The following FHIP1A variants were observed in gnomAD, a reference collection of about 807,000 sequenced individuals.
FHIP1A encodes FHF complex subunit HOOK-interacting protein 1A.
Under a neutral mutation model 88.6 loss-of-function variants are expected in FHIP1A, and 61 were observed. The ratio of observed to expected loss-of-function variants is 0.69; its 90% CI spans 0.56 to 0.85. The LOEUF (loss-of-function observed/expected upper bound fraction) is 0.85, where lower values mean the gene tolerates loss of function less well. Among genes scored for constraint, FHIP1A ranks in the 40% least tolerant of loss-of-function variants. The pLI is 0.00. For synonymous variants in FHIP1A, 478 were observed against 496.0 expected, an observed-to-expected ratio of 0.96 and a Z score of 0.48; for missense variants, 1,154 against 1,273.5, an observed-to-expected ratio of 0.91 and a Z score of 1.43.
At chr4:151,544,800 C>T (rs953610021) in intron 3 of FHIP1A, among the ~76,000 whole-genome samples, 1 of 152,160 alleles carries the variant, frequency 6.6e-6, no homozygotes, top group East Asian at 1.9e-4. Context: ...CATCTTAATA[C>T]AGCCTTGCTC....
chr4:151,593,476 C>A (rs1429702961), intron 7 of FHIP1A, among the ~76,000 whole-genome samples: 8 of 152,164 alleles, frequency 5.3e-5, no homozygotes, highest in Non-Finnish European at 1.2e-4. Context: ...AGAGGTCCTT[C>A]ACATCCCTTG....
chr4:151,635,641 A>G (rs1186097790), intron 8 of FHIP1A, among the ~76,000 whole-genome samples: 3 of 151,940 alleles, frequency 2.0e-5, no homozygotes, highest in Middle Eastern at 3.2e-3. Flanking sequence ...CAAAAAGACA[A>G]ACTGTAGGAT....
chr4:151,625,837 G>A (rs999992386), intron 7 of FHIP1A, among the ~76,000 whole-genome samples: 11 of 152,182 alleles, frequency 7.2e-5, no homozygotes, highest in African/African-American at 2.7e-4. Flanking sequence ...TAGATTGACT[G>A]TAAATTCAGT....
chr4:151,609,550 A>G (rs1197733527), intron 7 of FHIP1A, among the ~76,000 whole-genome samples: 1 of 151,576 alleles, frequency 6.6e-6, no homozygotes, highest in Non-Finnish European at 1.5e-5. Flanking sequence ...TGGAAATATA[A>G]TAGAAGCAAT....
intron 9 of FHIP1A, among the ~76,000 whole-genome samples, chr4:151,640,912 C>G (rs989141718): frequency 6.6e-6 from 1 of 152,068 alleles, no homozygotes; most frequent in Non-Finnish European, 1.5e-5. Context: ...CAGACTTGCC[C>G]CTTATAAAGA....
chr4:151,630,480 G>C lies in FHIP1A; in HGVS notation c.1146+611G>C, dbSNP rs568644148. Among the ~76,000 whole-genome samples the C allele has an allele frequency of 3.3e-5, 5 of 152,176 alleles. No individual in the cohort carries two copies. The East Asian group carries it at 5.8e-4, about 18-fold the overall frequency. ...AATATATAACAATAATTGCACAAAG[G>C]GGGGAAGAGGGAATAGACTTATATA... On this transcript the variant is annotated intron_variant, in intron 8 of 13. Coordinates refer to ENST00000435205, the MANE Select transcript of FHIP1A (RefSeq NM_001109977.3).
At chr4:151,505,271 T>C (rs1730792219) in intron 3 of FHIP1A, among the ~76,000 whole-genome samples, 2 of 152,202 alleles carry the variant, frequency 1.3e-5, no homozygotes, top group Admixed American at 1.3e-4. Context: ...CTGGGTCACA[T>C]TGCCTACTTT....
At chr4:151,601,081 CAT>C (rs1734849452) in intron 7 of FHIP1A, among the ~76,000 whole-genome samples, 1 of 152,160 alleles carries the variant, frequency 6.6e-6, no homozygotes, top group Non-Finnish European at 1.5e-5. Context: ...GTCAAAGAGA[CAT>C]ATGTGGAGAG....
chr4:151,454,166 G>GTGC (rs1728891265), intron 1 of FHIP1A, among the ~76,000 whole-genome samples: 1 of 35,462 alleles, frequency 2.8e-5, no homozygotes, highest in Admixed American at 2.2e-4. Context: ...TTATGGAAAA[G>GTGC]TGTTAAAATA....
chr4:151,638,260 TAACTA>T, intron 8 of FHIP1A, among the ~76,000 whole-genome samples: 1 of 151,790 alleles, frequency 6.6e-6, no homozygotes, highest in Non-Finnish European at 1.5e-5. Flanking sequence ...GTCTTGTAAA[TAACTA>T]ATGGCATATT....
chr4:151,527,351 G>A (rs1052331666), intron 3 of FHIP1A, among the ~76,000 whole-genome samples: 2 of 152,204 alleles, frequency 1.3e-5, no homozygotes, highest in Non-Finnish European at 2.9e-5. Context: ...GCGAAACCCC[G>A]TCTCCACCAA....
chr4:151,542,378 C>T (rs528509529), intron 3 of FHIP1A, among the ~76,000 whole-genome samples: 2 of 152,006 alleles, frequency 1.3e-5, no homozygotes, highest in South Asian at 2.1e-4. Flanking sequence ...TTTTTTATTC[C>T]CAGTATTAAG....
intron 3 of FHIP1A, among the ~76,000 whole-genome samples, chr4:151,538,418 A>G (rs1163162736): frequency 6.6e-6 from 1 of 152,154 alleles, no homozygotes; most frequent in East Asian, 1.9e-4. Flanking sequence ...CTGTCACCTG[A>G]AGTACTTTTT....
In FHIP1A at chr4:151,421,883, T is replaced by G. The variant is rs1580545040; in HGVS notation, c.-356+12418T>G. On this transcript the variant is annotated intron_variant, in intron 1 of 13. Transcript: ENST00000435205. ...TCATGGTTTGCAAAGCACTTTCACA[T>G]ATATGATCTAATTTGAGGTATTCTT... Among the ~76,000 whole-genome samples the G allele has an allele frequency of 2.0e-5, 3 of 152,196 alleles. No homozygotes were observed. The East Asian group carries it at 5.8e-4, about 29-fold the overall frequency.
intron 3 of FHIP1A, among the ~76,000 whole-genome samples, chr4:151,483,285 C>T (rs1729964099): frequency 6.6e-6 from 1 of 151,682 alleles, no homozygotes; most frequent in Non-Finnish European, 1.5e-5. Flanking sequence ...TTATAATTTG[C>T]CTCTATAAAT....
chr4:151,474,418 AT>A (rs1329417303), intron 2 of FHIP1A, among the ~76,000 whole-genome samples: 1 of 152,350 alleles, frequency 6.6e-6, no homozygotes, highest in African/African-American at 2.4e-5. Flanking sequence ...TATAAAAAAA[AT>A]AAAGATACTG....
intron 1 of FHIP1A, among the ~76,000 whole-genome samples, chr4:151,433,535 C>T (rs1039078013): frequency 6.6e-5 from 10 of 151,754 alleles, no homozygotes; most frequent in East Asian, 1.9e-4. Flanking sequence ...GAGTTAATGG[C>T]GCTGGTGAGA....
chr4:151,473,474 T>C (rs566235809), intron 2 of FHIP1A, among the ~76,000 whole-genome samples: 1 of 152,232 alleles, frequency 6.6e-6, no homozygotes, highest in East Asian at 1.9e-4. Flanking sequence ...TTCTTTGATG[T>C]CTCTCCTTGG....
At chr4:151,573,271 AACACACAC>A (rs140733704) in intron 4 of FHIP1A, among the ~76,000 whole-genome samples, 1 of 147,208 alleles carries the variant, frequency 6.8e-6, no homozygotes, top group African/African-American at 2.5e-5. Context: ...GATGCATCCA[AACACACAC>A]ACACACACAC....
Sources: gnomAD v4.1 joint callset for allele counts (sites outside exome capture counted in the v4.1 genomes callset) on GRCh38, gnomAD v4.1.1 for gene constraint, MANE v1.5 for transcripts, NCBI Gene and HGNC (gene_info 2026-07-23, HGNC 2026-07-21) for gene names.